ZNF420: variants seen among roughly 807,000 people sequenced by gnomAD.
ZNF420 encodes the protein ATM and p53-associated KZNF protein.
A neutral mutation model predicts 44.7 loss-of-function variants in ZNF420; 31 were observed. The ratio of observed to expected loss-of-function variants is 0.69; its 90% CI spans 0.52 to 0.94. ZNF420 has a LOEUF of 0.94. ZNF420 is among the 40% of genes least tolerant of loss of function. The pLI is 0.00. For synonymous variants in ZNF420, 245 were observed against 267.4 expected, an observed-to-expected ratio of 0.92 and a Z score of 0.82; for missense variants, 681 against 827.9, an observed-to-expected ratio of 0.82 and a Z score of 2.18.
chr19:37,023,306 C>T (rs2074663028), intron 1 of ZNF420, among the ~76,000 whole-genome samples: 1 of 152,204 alleles, frequency 6.6e-6, no homozygotes, highest in African/African-American at 2.4e-5. Context: ...CAATTTTCCT[C>T]TATTACGAAT....
At chr19:37,039,724 A>G (rs1967419694) in intron 1 of ZNF420, among the ~76,000 whole-genome samples, 1 of 148,552 alleles carries the variant, frequency 6.7e-6, no homozygotes, top group African/African-American at 2.5e-5. Flanking sequence ...TTTGTGAGAT[A>G]CGGTCTCACT....
chr19:37,056,974 C>T (rs1364736543), intron 1 of ZNF420, among the ~76,000 whole-genome samples: 3 of 152,264 alleles, frequency 2.0e-5, no homozygotes, highest in Non-Finnish European at 4.4e-5. Context: ...CTTCCAGCAG[C>T]GGAGCGCGAG....
intron 1 of ZNF420, among the ~76,000 whole-genome samples, chr19:37,015,921 T>C (rs2074606076): frequency 6.6e-6 from 1 of 152,336 alleles, no homozygotes; most frequent in East Asian, 1.9e-4. Context: ...CTGCCTTCCA[T>C]GTTTCTCATG....
intron 1 of ZNF420, among the ~76,000 whole-genome samples, chr19:37,015,930 T>C (rs2074606121): frequency 6.6e-6 from 1 of 152,234 alleles, no homozygotes; most frequent in East Asian, 1.9e-4. Flanking sequence ...ATGTTTCTCA[T>C]GGGCCTAGGG....
intron 4 of ZNF420, among the ~76,000 whole-genome samples, chr19:37,112,122 G>C (rs574114969): frequency 6.6e-6 from 1 of 152,038 alleles, no homozygotes; most frequent in Non-Finnish European, 1.5e-5. Flanking sequence ...CCAAGTTAAT[G>C]GAGTGGGTTT....
At chr19:37,009,429 G>C (rs77504957) in intron 1 of ZNF420, among the ~76,000 whole-genome samples, 1 of 152,114 alleles carries the variant, frequency 6.6e-6, no homozygotes, top group Non-Finnish European at 1.5e-5. Context: ...CCCTTCCACC[G>C]GGCACATGCC....
chr19:37,085,988 G>A lies in ZNF420; in HGVS notation c.-80-3051G>A, dbSNP rs1206141020. 2.8e-4 allele frequency among the ~76,000 whole-genome samples: 41 copies of A among 147,386 alleles called. 1 individual carries two copies. The highest frequency in any genetic ancestry group is 2.8e-3 in the Admixed American group (41 of 14,808). The stretch of plus-strand genomic sequence containing the variant: ...ATTATTATTATTATTATTTTGTAGA[G>A]ACAGATTCTTGCTATGTTGCCCAGG... On this transcript the variant is annotated intron_variant, in intron 2 of 4. Transcript: ENST00000337995.
chr19:37,119,970 G>T (rs527388038), intron 4 of ZNF420, among the ~76,000 whole-genome samples: 1 of 152,236 alleles, frequency 6.6e-6, no homozygotes, highest in Admixed American at 6.5e-5. Flanking sequence ...TGAAATTGTG[G>T]CAATAATCAA....
chr19:37,119,740 GAAGAA>G (rs1017102107), intron 4 of ZNF420, among the ~76,000 whole-genome samples: 1 of 151,952 alleles, frequency 6.6e-6, no homozygotes, highest in African/African-American at 2.4e-5. Context: ...GACTAATAAA[GAAGAA>G]AAGAGAGAAG....
intron 4 of ZNF420, among the ~76,000 whole-genome samples, chr19:37,096,574 C>G (rs1376350052): frequency 6.6e-6 from 1 of 152,068 alleles, no homozygotes; most frequent in African/African-American, 2.4e-5. Flanking sequence ...CTTGTCTGTT[C>G]AGTTTTTTCA....
At chr19:37,099,688 A>G (rs1471859169) in intron 4 of ZNF420, among the ~76,000 whole-genome samples, 2 of 151,964 alleles carry the variant, frequency 1.3e-5, no homozygotes, top group Non-Finnish European at 2.9e-5. Context: ...CAGTGGTGCA[A>G]TCTCGGCTCA....
chr19:37,067,513 G>A (rs770627717), intron 1 of ZNF420, among the ~76,000 whole-genome samples: 7 of 152,138 alleles, frequency 4.6e-5, no homozygotes, highest in Non-Finnish European at 8.8e-5. Flanking sequence ...CTTAGATAGC[G>A]AATGTATGGG....
intron 1 of ZNF420, among the ~76,000 whole-genome samples, chr19:37,066,210 C>CTA (rs1332039631): frequency 2.0e-5 from 3 of 152,094 alleles, no homozygotes; most frequent in Non-Finnish European, 4.4e-5. Flanking sequence ...TGGGAGGCTG[C>CTA]GGCGGGTGGA....
intron 4 of ZNF420, chr19:37,096,005 T>G (rs1349470833): frequency 6.6e-6 from 1 of 152,264 alleles, no homozygotes; most frequent in Admixed American, 6.5e-5. Flanking sequence ...TATAAAATTC[T>G]ATACTGACAA....
rs1971597167 is a variant in ZNF420 at position 37,130,324 on chromosome 19, A to G, written c.*1266A>G. On this transcript the variant is annotated 3_prime_UTR_variant, in exon 5 of 5. Coordinates refer to ENST00000337995, the MANE Select transcript of ZNF420 (RefSeq NM_144689.5). ...ATTAAACATCTTATTTGTTGATGCT[A>G]TTGTAGTTCTGTTATTGACAATAAA... 1 of 1,364,192 alleles carries G rather than the reference A, an allele frequency of 7.3e-7. No individual in the cohort carries two copies. The highest frequency in any genetic ancestry group is 1.5e-5 in the African/African-American group (1 of 67,192). 84.5% of individuals were successfully genotyped at this position (1,364,192 alleles called of 1,614,324 possible).
chr19:37,093,313 C>T (rs1369508344), intron 4 of ZNF420, among the ~76,000 whole-genome samples: 4 of 152,176 alleles, frequency 2.6e-5, no homozygotes, highest in African/African-American at 9.7e-5. Context: ...ACCTCCTTCT[C>T]CTGGGCTCAA....
At chr19:37,096,312 C>A (rs1969452687) in intron 4 of ZNF420, among the ~76,000 whole-genome samples, 1 of 152,050 alleles carries the variant, frequency 6.6e-6, no homozygotes, top group East Asian at 1.9e-4. Flanking sequence ...GTCATACAAT[C>A]CCAATTTCTG....
At chr19:37,050,793 A>G (rs981278140) in intron 1 of ZNF420, among the ~76,000 whole-genome samples, 2 of 152,194 alleles carry the variant, frequency 1.3e-5, no homozygotes, top group Non-Finnish European at 2.9e-5. Context: ...GTCTTGTGCC[A>G]GCTTTCAAAG....
At position 37,027,009 on chromosome 19, in the gene ZNF420, A is replaced by G. The variant is rs12461042; in HGVS notation, c.-125+18927A>G. On this transcript the variant is annotated intron_variant, in intron 1 of 4. Transcript: ENST00000587029. ...ATTGAACATGCAATGACTTCAGATT[A>G]GGAAATTTCAAAAATGTTTTTTAAA... 6.2e-3 allele frequency among the ~76,000 whole-genome samples: 939 copies of G among 152,352 alleles called. 28 individuals carry two copies. Among genetic ancestry groups the G allele is most frequent in the East Asian group, 0.049 (256 of 5,192 alleles).
Sources: gnomAD v4.1 joint callset for allele counts (sites outside exome capture counted in the v4.1 genomes callset) on GRCh38, gnomAD v4.1.1 for gene constraint, MANE v1.5 for transcripts, NCBI Gene and HGNC (gene_info 2026-07-23, HGNC 2026-07-21) for gene names.